Variants in ISX observed in about 807,000 individuals in gnomAD.
ISX encodes the protein intestine specific homeobox, also known as intestine-specific homeobox.
ISX carries 15 observed loss-of-function variants against 16.9 expected under a neutral mutation model. The ratio of observed to expected loss-of-function variants is 0.89; its 90% CI spans 0.59 to 1.36. The LOEUF (loss-of-function observed/expected upper bound fraction) is 1.36. Ranked by LOEUF, ISX falls within the 40% of genes most tolerant of loss-of-function variation. The pLI, the probability that ISX is intolerant of heterozygous loss-of-function variation, is 0.00. For missense variants in ISX, 316 were observed against 306.1 expected (o/e 1.03, Z -0.24); for synonymous variants, 125 against 119.7 (o/e 1.04, Z -0.29).
chr22:35,080,571 A>C (rs1180324680), intron 2 of ISX, among the ~76,000 whole-genome samples: 1 of 151,962 alleles, frequency 6.6e-6, no homozygotes, highest in African/African-American at 2.4e-5. Context: ...TTAGCTCTAC[A>C]CCTCCCTGCA....
chr22:35,074,047 C>T (rs1236004916), intron 2 of ISX, among the ~76,000 whole-genome samples: 2 of 152,182 alleles, frequency 1.3e-5, no homozygotes, highest in African/African-American at 4.8e-5. Context: ...TGATAAGCAA[C>T]CTTCAGCCGT....
Position 35,066,946 on chromosome 22 carries a change from T to C in ISX, c.-142T>C. ...CATGGAAGTCCCTGTGGACACGAAATCCTGTTTGGATCATCTAACTGGAGG... is the reference window on the plus strand; with the variant it reads ...CATGGAAGTCCCTGTGGACACGAAACCCTGTTTGGATCATCTAACTGGAGG... On this transcript the variant is annotated 5_prime_UTR_variant, in exon 2 of 5. Transcript: ENST00000404699. 1 of 624,738 alleles carries C rather than the reference T, an allele frequency of 1.6e-6. No homozygotes were observed. Among genetic ancestry groups the C allele is most frequent in the Middle Eastern group, 4.3e-4 (1 of 2,306 alleles). 38.7% of individuals were successfully genotyped at this position (624,738 alleles called of 1,614,324 possible). A position where few individuals can be genotyped will look rare whatever the true frequency, so the allele number is the denominator to read the frequency against.
chr22:35,082,383 C>G (rs1251115879), intron 2 of ISX, 135 bp from the exon 3 acceptor site: 4 of 793,450 alleles, frequency 5.0e-6, no homozygotes, highest in Non-Finnish European at 6.1e-6. Context: ...TACTGTGAAG[C>G]TCCAAGCTCA....
At chr22:35,068,966 G>A (rs886126511) in intron 2 of ISX, among the ~76,000 whole-genome samples, 1 of 152,120 alleles carries the variant, frequency 6.6e-6, no homozygotes, top group African/African-American at 2.4e-5. Context: ...ATCTACTCTA[G>A]ATTATTCCTG....
intron 2 of ISX, among the ~76,000 whole-genome samples, chr22:35,080,774 G>A (rs767026947): frequency 6.6e-6 from 1 of 152,228 alleles, no homozygotes; most frequent in Non-Finnish European, 1.5e-5. Flanking sequence ...ACAACTACCT[G>A]GTTGGTGTAT....
intron 2 of ISX, among the ~76,000 whole-genome samples, chr22:35,075,318 G>A (rs1247971469): frequency 6.6e-6 from 1 of 152,220 alleles, no homozygotes; most frequent in Non-Finnish European, 1.5e-5. Context: ...ATAGTCACAA[G>A]AGATGAAAGA....
intron 2 of ISX, among the ~76,000 whole-genome samples, chr22:35,077,252 G>T (rs1466529281): frequency 6.6e-6 from 1 of 152,126 alleles, no homozygotes; most frequent in Non-Finnish European, 1.5e-5. Context: ...ATGCTGAACT[G>T]CATTCTACCT....
At chr22:35,084,083 C>T (rs567985162) in intron 3 of ISX, among the ~76,000 whole-genome samples, 13 of 152,364 alleles carry the variant, frequency 8.5e-5, no homozygotes, top group East Asian at 1.9e-4. Flanking sequence ...TGACTGTTGA[C>T]GGGAGCTGAG....
In ISX at chr22:35,082,072, A is replaced by C. The variant is rs528896080; in HGVS notation, c.230-446A>C. Among the ~76,000 whole-genome samples, 3 of 152,378 alleles carry C rather than the reference A, an allele frequency of 2.0e-5. No individual in the cohort carries two copies. In the East Asian group the frequency reaches 5.8e-4, roughly 29 times the overall value. On this transcript the variant is annotated intron_variant, in intron 2 of 4. Transcript: ENST00000404699. ...GTAATTACTTTAGTCTTTGCAGGCC[A>C]CACAGTCTCTGTTGCAATGATTCAA...
rs61735502 is a variant in ISX, at chr22:35,085,500, C to T, written c.545C>T (p.Thr182Met). 145,595 of 1,614,070 alleles carry T rather than the reference C, an allele frequency of 0.09. 6,990 individuals are homozygous for T. The highest frequency in any genetic ancestry group is 0.11 in the South Asian group (10,283 of 91,082). Residue 182 changes from threonine to methionine, a missense_variant, in exon 5 of 5, where the codon ACG becomes ATG. Coordinates refer to ENST00000404699, the MANE Select transcript of ISX (RefSeq NM_001303508.2). ...STALRRLAPP[T>M]SCCPSAQDQL... ...GCTCTGCGCAGGCTGGCTCCTCCCACGAGCTGTTGTCCATCGGCTCAAGAT... is the reference window on the plus strand; with the variant it reads ...GCTCTGCGCAGGCTGGCTCCTCCCATGAGCTGTTGTCCATCGGCTCAAGAT...
At position 35,082,561 on chromosome 22, in the gene ISX, T is replaced by C; in HGVS notation, c.273T>C (p.Thr91=). The part of the protein sequence containing the change: ...SKRRVRTTFT[T]EQLHELEKIF... ...GGAGGGTTCGTACCACCTTCACCAC[T>C]GAGCAGCTGCATGAGCTGGAGAAGA... Residue 91 remains threonine (T), a synonymous_variant, in exon 3 of 5, where the codon ACT becomes ACC. Coordinates refer to ENST00000404699, the MANE Select transcript of ISX (RefSeq NM_001303508.2). The C allele has an allele frequency of 6.2e-7, 1 of 1,614,180 alleles. No homozygotes were observed. The highest frequency in any genetic ancestry group is 8.5e-7 in the Non-Finnish European group (1 of 1,180,026).
chr22:35,083,729 C>T (rs939464056), intron 3 of ISX, among the ~76,000 whole-genome samples: 1 of 152,206 alleles, frequency 6.6e-6, no homozygotes, highest in African/African-American at 2.4e-5. Flanking sequence ...ATGTCTAAGA[C>T]TTCTCTCCTT....
intron 3 of ISX, among the ~76,000 whole-genome samples, chr22:35,083,531 C>T (rs1465556918): frequency 6.6e-6 from 1 of 152,248 alleles, no homozygotes; most frequent in Admixed American, 6.5e-5. Context: ...CCCAGCTTTG[C>T]AAGTGCCACC....
intron 3 of ISX, among the ~76,000 whole-genome samples, chr22:35,083,413 ATC>A (rs1929169861): frequency 6.6e-6 from 1 of 152,158 alleles, no homozygotes. Context: ...CAACAGGCTA[ATC>A]TCTCATCTGT....
intron 2 of ISX, among the ~76,000 whole-genome samples, chr22:35,069,918 C>T (rs936810886): frequency 2.0e-5 from 3 of 152,220 alleles, no homozygotes; most frequent in African/African-American, 4.8e-5. Flanking sequence ...TATTAAAATG[C>T]AGCCTGTCAG....
intron 2 of ISX, among the ~76,000 whole-genome samples, chr22:35,071,667 G>T (rs1382234305): frequency 6.6e-6 from 1 of 152,126 alleles, no homozygotes; most frequent in Non-Finnish European, 1.5e-5. Flanking sequence ...AAAATTCCTG[G>T]CAAAGACAGA....
chr22:35,074,257 C>T (rs9622121), intron 2 of ISX, among the ~76,000 whole-genome samples: 86,492 of 152,038 alleles, frequency 0.57, 25,099 homozygotes, highest in Middle Eastern at 0.65. Flanking sequence ...ACCCATTGGC[C>T]GAGCTTGAGT....
At chr22:35,076,543 G>A (rs1928985546) in intron 2 of ISX, among the ~76,000 whole-genome samples, 1 of 152,160 alleles carries the variant, frequency 6.6e-6, no homozygotes, top group African/African-American at 2.4e-5. Context: ...GCCTACAGGA[G>A]GGCTGCAAAG....
intron 2 of ISX, among the ~76,000 whole-genome samples, chr22:35,075,182 C>A (rs1928950363): frequency 6.6e-6 from 1 of 152,136 alleles, no homozygotes; most frequent in South Asian, 2.1e-4. Context: ...GAGATGGAGT[C>A]AGGCAGAGAA....
Sources: allele counts gnomAD v4.1 joint callset (sites outside exome capture counted in the v4.1 genomes callset), GRCh38; gene constraint gnomAD v4.1.1; transcripts MANE v1.5; gene names NCBI Gene and HGNC (gene_info 2026-07-23, HGNC 2026-07-21).